The following KIAA1191 variants were observed in gnomAD, a reference collection of about 807,000 sequenced individuals.
KIAA1191 encodes putative monooxygenase p33MONOX.
In KIAA1191, 22 loss-of-function variants were observed where a neutral mutation model predicts 31.1. That is an observed-to-expected ratio of 0.71 (90% CI 0.51 to 1.01). The LOEUF (loss-of-function observed/expected upper bound fraction) is 1.01. KIAA1191 is among the 50% of genes least tolerant of loss of function. The pLI is 0.00. For missense variants in KIAA1191, 319 were observed against 388.0 expected (o/e 0.82, Z 1.49); for synonymous variants, 130 against 143.9 (o/e 0.90, Z 0.69).
intron 3 of KIAA1191, among the ~76,000 whole-genome samples, chr5:176,356,996 T>C (rs1252586726): frequency 6.6e-6 from 1 of 152,106 alleles, no homozygotes; most frequent in African/African-American, 2.4e-5. Context: ...GGTTTTCCTT[T>C]GGAGGTTATG....
intron 3 of KIAA1191, among the ~76,000 whole-genome samples, chr5:176,357,964 T>G (rs1767648572): frequency 6.6e-6 from 1 of 152,204 alleles, no homozygotes; most frequent in Admixed American, 6.5e-5. Flanking sequence ...ACTCCTGTTT[T>G]TACATATTTT....
rs1766646301 is a variant in KIAA1191 at position 176,347,853 on chromosome 5, C to T, written c.710-45G>A. 5 of 1,606,462 alleles carry T rather than the reference C, an allele frequency of 3.1e-6. No individual in the cohort carries two copies. The East Asian group carries it at 1.1e-4, about 36-fold the overall frequency. On this transcript the variant is annotated intron_variant, in intron 8 of 8. Transcript: ENST00000298569. ...TGCAAATGATTTCAAAACCAGTAAA[C>T]AGCTCCCGGTATACAATATGGTAAG...
Position 176,352,377 on chromosome 5 carries a change from G to A in KIAA1191, c.334+245C>T, listed in dbSNP as rs116965225. On this transcript the variant is annotated intron_variant, in intron 5 of 8. Transcript: ENST00000298569. ...GCCCAAGGCCACAGTGACAGAGCTG[G>A]GAACATGAGATCATATCAACAAAGC... 6.6e-5 allele frequency among the ~76,000 whole-genome samples: 10 copies of A among 152,236 alleles called. No homozygotes were observed. The East Asian group carries it at 1.9e-3, about 29-fold the overall frequency.
chr5:176,347,687 G>C lies in KIAA1191; in HGVS notation c.831C>G (p.Ile277Met). The C allele has an allele frequency of 6.3e-7, 1 of 1,595,992 alleles. No individual in the cohort carries two copies. Among genetic ancestry groups the C allele is most frequent in the South Asian group, 1.1e-5 (1 of 87,760 alleles). ...PAALKPPKMDIPVMEGKKQPP... is the reference protein window; with the variant it reads ...PAALKPPKMDMPVMEGKKQPP... The stretch of plus-strand genomic sequence containing the variant: ...GCTGTTTCTTTCCTTCCATCACTGG[G>C]ATGTCCATCTTGGGGGGCTTCAAGG... Residue 277 changes from isoleucine to methionine, a missense_variant, in exon 9 of 9, where the codon ATC (isoleucine) becomes ATG (methionine). Physicochemically the swap from Ile to Met is conservative, Grantham distance 10. Coordinates refer to ENST00000298569, the MANE Select transcript of KIAA1191 (RefSeq NM_020444.5).
chr5:176,355,387 T>C lies in KIAA1191; in HGVS notation c.207+184A>G, dbSNP rs1487477859. ...GGTAACCCTAAAGCTACTGATTTTT[T>C]TTTTAACAAAATAAATAAAATCTTA... On this transcript the variant is annotated intron_variant, in intron 4 of 8. Transcript: ENST00000298569. This position sits in a 1 kb window ranked among gnomAD's most constrained non-coding sequence, Gnocchi z 4.2. Among the ~76,000 whole-genome samples the C allele has an allele frequency of 7.0e-6, 1 of 143,464 alleles. No homozygotes were observed. Among genetic ancestry groups the C allele is most frequent in the Non-Finnish European group, 1.5e-5 (1 of 65,978 alleles). 94.1% of individuals were successfully genotyped at this position (143,464 alleles called of 152,430 possible).
chr5:176,352,274 G>A (rs1412345506), intron 5 of KIAA1191, among the ~76,000 whole-genome samples: 1 of 152,042 alleles, frequency 6.6e-6, no homozygotes, highest in African/African-American at 2.4e-5. Context: ...CTGAGCACTG[G>A]GCCTTCTGAT....
chr5:176,346,153 G>C lies in KIAA1191; in HGVS notation c.*1447C>G, dbSNP rs1051656385. The C allele has an allele frequency of 6.6e-6, 1 of 151,854 alleles. No homozygotes were observed. Among genetic ancestry groups the C allele is most frequent in the African/African-American group, 2.4e-5 (1 of 41,332 alleles). 9.4% of individuals were successfully genotyped at this position (151,854 alleles called of 1,614,324 possible). A position where few individuals can be genotyped will look rare whatever the true frequency, so the allele number is the denominator to read the frequency against. On this transcript the variant is annotated 3_prime_UTR_variant, in exon 9 of 9. Coordinates refer to ENST00000298569, the MANE Select transcript of KIAA1191 (RefSeq NM_020444.5). ...TTGTTCTCATAATTTTAGACTCCAGGGCCTCTCTATGGAAAGGCCAGCTTC... is the reference window on the plus strand; with the variant it reads ...TTGTTCTCATAATTTTAGACTCCAGCGCCTCTCTATGGAAAGGCCAGCTTC...
intron 5 of KIAA1191, 103 bp downstream of exon 5, chr5:176,352,519 G>A (rs1252929824): frequency 5.2e-6 from 7 of 1,351,740 alleles, no homozygotes; most frequent in South Asian, 2.7e-5. Flanking sequence ...TTTAGGATAA[G>A]GTAAGGCGAG....
intron 7 of KIAA1191, 50 bp from the exon 8 acceptor site, chr5:176,348,113 C>G (rs372076798): frequency 6.2e-7 from 1 of 1,607,250 alleles, no homozygotes. Flanking sequence ...TCCTTCGCCC[C>G]TAGAAATGTC....
rs1351187423 is a variant in KIAA1191 at position 176,350,656 on chromosome 5, G to T, written c.416C>A (p.Thr139Asn). ...DAGYTPHKGL[T>N]TEETKYLRVA... ...TCGAAGGTACTTGGTCTCCTCGGTG[G>T]TGAGGCCCTTGTGGGGTGTGTAGCC... Residue 139 changes from threonine (T) to asparagine (N), a missense_variant, in exon 6 of 9, where the codon ACC becomes AAC. Coordinates refer to ENST00000298569, the MANE Select transcript of KIAA1191 (RefSeq NM_020444.5). 1 of 1,614,138 alleles carries T rather than the reference G, an allele frequency of 6.2e-7. No homozygotes were observed. The highest frequency in any genetic ancestry group is 1.3e-5 in the African/African-American group (1 of 75,046).
chr5:176,348,217 C>G, intron 7 of KIAA1191, 33 bp downstream of exon 7: 2 of 1,607,194 alleles, frequency 1.2e-6, no homozygotes, highest in South Asian at 2.2e-5. Flanking sequence ...CTGAAGCACG[C>G]AGGAACTCGG....
rs541545021 is a variant in KIAA1191, at chr5:176,358,157, G to C, written c.28+1324C>G. ...AACTTGACTCATTAAGGGTTGCTGTGAGCATTTTCATGATTAAGTTCAATC... is the reference window on the plus strand; with the variant it reads ...AACTTGACTCATTAAGGGTTGCTGTCAGCATTTTCATGATTAAGTTCAATC... On this transcript the variant is annotated intron_variant, in intron 3 of 8. Transcript: ENST00000298569. Among the ~76,000 whole-genome samples the C allele has an allele frequency of 3.9e-5, 6 of 152,216 alleles. No homozygotes were observed. In the South Asian group the frequency reaches 1.2e-3, roughly 32 times the overall value.
Position 176,347,659 on chromosome 5 carries a change from G to A in KIAA1191, c.859C>T (p.Pro287Ser), listed in dbSNP as rs753140539. 4 of 1,570,964 alleles carry A rather than the reference G, an allele frequency of 2.5e-6. No individual in the cohort carries two copies. Among genetic ancestry groups the A allele is most frequent in the Non-Finnish European group, 3.4e-6 (4 of 1,161,696 alleles). The change falls in exon 9 of 9, where the codon CCA becomes TCA. Residue 287 changes from proline (P) to serine (S), a missense_variant. By Grantham distance (74) the Pro-to-Ser change is moderately conservative. Coordinates refer to ENST00000298569, the MANE Select transcript of KIAA1191 (RefSeq NM_020444.5). ...IPVMEGKKQP[P>S]RAHNLKPRDL... ...CGGGGTTTGAGGTTATGGGCCCGTG[G>A]TGGCTGTTTCTTTCCTTCCATCACT...
At chr5:176,350,323 CTG>C (rs1766873222) in intron 6 of KIAA1191, among the ~76,000 whole-genome samples, 1 of 152,232 alleles carries the variant, frequency 6.6e-6, no homozygotes, top group African/African-American at 2.4e-5. Context: ...GCTGTTACCT[CTG>C]TTGAGGCTGC....
rs374520545 is a variant in KIAA1191 at position 176,354,934 on chromosome 5, T to C, written c.207+637A>G. Among the ~76,000 whole-genome samples, 385 of 107,620 alleles carry C rather than the reference T, an allele frequency of 3.6e-3. 3 individuals are homozygous for C. The highest frequency in any genetic ancestry group is 0.012 in the African/African-American group (365 of 31,638). The allele number at this position is 107,620 out of a possible 152,430, so 70.6% of individuals were successfully genotyped here. A position where few individuals can be genotyped will look rare whatever the true frequency, so the allele number is the denominator to read the frequency against. ...ACAGAAGAGACTTTTGAGCTAAGACTTAAAGGATACCAGTTTTCAGGCAAA... is the reference window on the plus strand; with the variant it reads ...ACAGAAGAGACTTTTGAGCTAAGACCTAAAGGATACCAGTTTTCAGGCAAA... On this transcript the variant is annotated intron_variant, in intron 4 of 8. Transcript: ENST00000298569.
chr5:176,359,661 T>C lies in KIAA1191; in HGVS notation c.-59-94A>G, dbSNP rs907294602. Reference sequence around the variant, plus strand: ...AGAATTGAACGGCTTGTTTACAAGGTTGAAACACACATGCAAGAGCCAGTG... The same window carrying C: ...AGAATTGAACGGCTTGTTTACAAGGCTGAAACACACATGCAAGAGCCAGTG... On this transcript the variant is annotated intron_variant, in intron 2 of 8. Transcript: ENST00000298569. 9.1e-6 allele frequency: 6 copies of C among 662,872 alleles called. No homozygotes were observed. The African/African-American group carries it at 9.1e-5, about 10-fold the overall frequency. 41.1% of individuals were successfully genotyped at this position (662,872 alleles called of 1,614,324 possible). A position where few individuals can be genotyped will look rare whatever the true frequency, so the allele number is the denominator to read the frequency against.
chr5:176,352,627 A>G lies in KIAA1191; in HGVS notation c.329T>C (p.Ile110Thr). ...TGAGGGTGAAGAGTGCTTACTTGTG[A>G]TCAGAGAATTCATGATGACATGGGT... The part of the protein sequence containing the change: ...KATHVIMNSL[I>T]TKQTQESIQH... Residue 110 changes from isoleucine to threonine, a missense_variant, in exon 5 of 9, where the codon ATC becomes ACC. By Grantham distance (89) the Ile-to-Thr change is moderately conservative (BLOSUM62 -1). Coordinates refer to ENST00000298569, the MANE Select transcript of KIAA1191 (RefSeq NM_020444.5). 1.2e-6 allele frequency: 2 copies of G among 1,613,570 alleles called. No homozygotes were observed. The highest frequency in any genetic ancestry group is 1.7e-6 in the Non-Finnish European group (2 of 1,179,696).
At position 176,350,625 on chromosome 5, in the gene KIAA1191, G is replaced by A. The variant is rs757673137; in HGVS notation, c.447C>T (p.Ala149=). 6.8e-6 allele frequency: 11 copies of A among 1,613,618 alleles called. No homozygotes were observed. The highest frequency in any genetic ancestry group is 2.2e-5 in the East Asian group (1 of 44,884). Residue 149 remains alanine (A), a synonymous_variant, in exon 6 of 9, where the codon GCC becomes GCT. Transcript: ENST00000298569. ...TTEETKYLRV[A]EALHKLKLQS... is the part of the protein sequence containing the mutation. ...CCTAAGAGCTTACGTGGAGTGCTTC[G>A]GCCACTCGAAGGTACTTGGTCTCCT...
chr5:176,359,241 C>T (rs1767778577), intron 3 of KIAA1191, among the ~76,000 whole-genome samples: 1 of 151,974 alleles, frequency 6.6e-6, no homozygotes, highest in Admixed American at 6.6e-5. Context: ...ATGGCTTGAA[C>T]CCAGGAAGCG....
Sources: allele counts gnomAD v4.1 joint callset (sites outside exome capture counted in the v4.1 genomes callset), GRCh38; gene constraint gnomAD v4.1.1; non-coding constraint Gnocchi (gnomAD v3.1); transcripts MANE v1.5; gene names NCBI Gene and HGNC (gene_info 2026-07-23, HGNC 2026-07-21).